Variants in LHFPL6 observed in about 807,000 individuals in gnomAD.
LHFPL6 encodes LHFPL tetraspan subfamily member 6, also known as LHFPL tetraspan subfamily member 6 protein.
LHFPL6 carries 9 observed loss-of-function variants against 20.6 expected under a neutral mutation model. The observed-to-expected ratio is 0.44, with a 90% confidence interval of 0.26 to 0.76. The LOEUF (loss-of-function observed/expected upper bound fraction) is 0.76. Among genes scored for constraint, LHFPL6 ranks in the 30% least tolerant of loss-of-function variants. LHFPL6 has a pLI of 0.20. For missense variants in LHFPL6, 218 were observed against 253.5 expected, an observed-to-expected ratio of 0.86 and a Z score of 0.95; for synonymous variants, 105 against 98.7, an observed-to-expected ratio of 1.06 and a Z score of -0.38.
chr13:39,517,093 TG>T (rs1334636082), intron 2 of LHFPL6, among the ~76,000 whole-genome samples: 1 of 152,130 alleles, frequency 6.6e-6, no homozygotes, highest in Non-Finnish European at 1.5e-5. Flanking sequence ...AAACCCACCA[TG>T]GTACTAAAGG....
Position 39,531,663 on chromosome 13 carries a change from C to A in LHFPL6, c.385+69169G>T, listed in dbSNP as rs552641101. On this transcript the variant is annotated intron_variant, in intron 2 of 3. Coordinates refer to ENST00000379589, the MANE Select transcript of LHFPL6 (RefSeq NM_005780.3). ...CTAAGATCCGCAGCTTCCCATCAGC[C>A]CCTGAACGCTAGATGTGGGTGGCCC... is the stretch of plus-strand genomic sequence containing the variant. Among the ~76,000 whole-genome samples, 3 of 152,226 alleles carry A rather than the reference C, an allele frequency of 2.0e-5. No homozygotes were observed. The South Asian group carries it at 6.2e-4, about 32-fold the overall frequency.
intron 2 of LHFPL6, among the ~76,000 whole-genome samples, chr13:39,461,563 T>C (rs1208142820): frequency 6.6e-6 from 1 of 152,056 alleles, no homozygotes; most frequent in Non-Finnish European, 1.5e-5. Flanking sequence ...TTTAACATCA[T>C]CACAAATCAT....
At chr13:39,576,935 T>C (rs1018828254) in intron 2 of LHFPL6, among the ~76,000 whole-genome samples, 7 of 152,212 alleles carry the variant, frequency 4.6e-5, no homozygotes, top group Admixed American at 6.5e-5. Flanking sequence ...GCATTAGATA[T>C]ATGAACATTA....
intron 2 of LHFPL6, among the ~76,000 whole-genome samples, chr13:39,442,543 A>C (rs1351508928): frequency 1.3e-5 from 2 of 152,188 alleles, no homozygotes; most frequent in East Asian, 1.9e-4. Context: ...ATGAAAGAAG[A>C]AGGCATAGGC....
intron 3 of LHFPL6, among the ~76,000 whole-genome samples, chr13:39,373,543 C>T (rs1168042698): frequency 6.6e-6 from 1 of 152,234 alleles, no homozygotes; most frequent in Non-Finnish European, 1.5e-5. Flanking sequence ...AGTATTTATA[C>T]AGCGTACTAG....
chr13:39,592,933 T>A (rs948260343), intron 2 of LHFPL6, among the ~76,000 whole-genome samples: 1 of 152,188 alleles, frequency 6.6e-6, no homozygotes, highest in African/African-American at 2.4e-5. Flanking sequence ...CCCTTCATGC[T>A]AAAAACTCTC....
chr13:39,407,220 T>A lies in LHFPL6; in HGVS notation c.386-28694A>T, dbSNP rs535611708. 2.6e-5 allele frequency among the ~76,000 whole-genome samples: 4 copies of A among 152,300 alleles called. No individual in the cohort carries two copies. The South Asian group carries it at 6.2e-4, about 24-fold the overall frequency. On this transcript the variant is annotated intron_variant, in intron 2 of 3. Coordinates refer to ENST00000379589, the MANE Select transcript of LHFPL6 (RefSeq NM_005780.3). ...GGGTTCCCTGCCCATTTAAAAAAAA[T>A]TCTGTACTGACCAAGTAATTAATGA...
chr13:39,367,688 C>G (rs571341573), intron 3 of LHFPL6, among the ~76,000 whole-genome samples: 5 of 152,238 alleles, frequency 3.3e-5, no homozygotes, highest in Non-Finnish European at 5.9e-5. Context: ...TGAATAATAA[C>G]AAAAGCTATG....
intron 2 of LHFPL6, among the ~76,000 whole-genome samples, chr13:39,497,078 C>T (rs887381125): frequency 1.3e-5 from 2 of 152,148 alleles, no homozygotes; most frequent in Non-Finnish European, 2.9e-5. Context: ...AGTATGGATT[C>T]AATGATAGAT....
At chr13:39,376,510 C>A (rs1453336801) in intron 3 of LHFPL6, among the ~76,000 whole-genome samples, 1 of 152,104 alleles carries the variant, frequency 6.6e-6, no homozygotes, top group East Asian at 1.9e-4. Flanking sequence ...ACCAGAAGAG[C>A]CAGTATTATA....
At chr13:39,546,648 G>C (rs539262565) in intron 2 of LHFPL6, among the ~76,000 whole-genome samples, 3 of 152,028 alleles carry the variant, frequency 2.0e-5, no homozygotes, top group Non-Finnish European at 2.9e-5. Flanking sequence ...CCAGACACGA[G>C]AGCCAGCAAT....
At chr13:39,518,877 G>A (rs931580921) in intron 2 of LHFPL6, among the ~76,000 whole-genome samples, 1 of 152,198 alleles carries the variant, frequency 6.6e-6, no homozygotes, top group African/African-American at 2.4e-5. Flanking sequence ...TCCAGTCCAC[G>A]ATGGAACACG....
At chr13:39,369,284 AC>A (rs1870092725) in intron 3 of LHFPL6, among the ~76,000 whole-genome samples, 1 of 152,194 alleles carries the variant, frequency 6.6e-6, no homozygotes, top group Non-Finnish European at 1.5e-5. Context: ...ATGAAGCTTT[AC>A]AAAGGCATAA....
chr13:39,559,955 G>A (rs1237884380), intron 2 of LHFPL6, among the ~76,000 whole-genome samples: 5 of 151,694 alleles, frequency 3.3e-5, no homozygotes, highest in Admixed American at 1.3e-4. Flanking sequence ...CTGAATGAAC[G>A]CCCTCTCAAT....
intron 2 of LHFPL6, among the ~76,000 whole-genome samples, chr13:39,390,578 T>C (rs1363324400): frequency 6.6e-6 from 1 of 152,150 alleles, no homozygotes; most frequent in African/African-American, 2.4e-5. Flanking sequence ...GACGAAATAC[T>C]ACCTGTCAGG....
intron 2 of LHFPL6, among the ~76,000 whole-genome samples, chr13:39,498,351 G>A (rs866503631): frequency 2.6e-5 from 4 of 152,298 alleles, no homozygotes; most frequent in Middle Eastern, 6.8e-3. Flanking sequence ...ACTCTGTAGA[G>A]GGTTGTGCTA....
chr13:39,598,441 T>C (rs1872833287), intron 2 of LHFPL6, among the ~76,000 whole-genome samples: 1 of 152,244 alleles, frequency 6.6e-6, no homozygotes, highest in Admixed American at 6.5e-5. Flanking sequence ...AGAGGTGAGA[T>C]TCTGTAAAAC....
chr13:39,363,355 G>A (rs1263842017), intron 3 of LHFPL6, among the ~76,000 whole-genome samples: 2 of 152,146 alleles, frequency 1.3e-5, no homozygotes, highest in Non-Finnish European at 2.9e-5. Context: ...GAGCATCATA[G>A]CATCACAGAC....
chr13:39,515,642 G>A (rs537103934), intron 2 of LHFPL6, among the ~76,000 whole-genome samples: 169 of 152,126 alleles, frequency 1.1e-3, no homozygotes, highest in Non-Finnish European at 1.3e-3. Flanking sequence ...CTGCCCGACA[G>A]CAAAGCAGCT....
Sources: gnomAD v4.1 joint callset for allele counts (sites outside exome capture counted in the v4.1 genomes callset) on GRCh38, gnomAD v4.1.1 for gene constraint, MANE v1.5 for transcripts, NCBI Gene and HGNC (gene_info 2026-07-23, HGNC 2026-07-21) for gene names.